RAB30: variants seen among roughly 807,000 people sequenced by gnomAD.
RAB30 encodes the protein RAB30, member RAS oncogene family.
Under a neutral mutation model 25.1 loss-of-function variants are expected in RAB30, and 9 were observed. That is an observed-to-expected ratio of 0.36 (90% CI 0.22 to 0.63). RAB30 has a LOEUF of 0.63. Among genes scored for constraint, RAB30 ranks in the 20% least tolerant of loss-of-function variants. The probability of loss-of-function intolerance (pLI) is 0.69; values close to 1 mark genes in which losing one functional copy is unlikely to be tolerated. For synonymous variants in RAB30, 77 were observed against 86.4 expected, an observed-to-expected ratio of 0.89 and a Z score of 0.60; for missense variants, 140 against 243.5, an observed-to-expected ratio of 0.58 and a Z score of 2.83.
Position 82,974,986 on chromosome 11 carries a change from C to T in RAB30, c.*7179G>A, listed in dbSNP as rs1172949995. Reference sequence around the variant, plus strand: ...TTGCTGAAAACAGAAATTTTGCTCACGAGTTAGTTCAAATACATTTATGTA... The same window carrying T: ...TTGCTGAAAACAGAAATTTTGCTCATGAGTTAGTTCAAATACATTTATGTA... On this transcript the variant is annotated 3_prime_UTR_variant, in exon 5 of 5. Transcript: ENST00000527633. 3.5e-5 allele frequency: 5 copies of T among 142,156 alleles called. No homozygotes were observed. Among genetic ancestry groups the T allele is most frequent in the Non-Finnish European group, 6.1e-5 (4 of 66,008 alleles). 8.8% of individuals were successfully genotyped at this position (142,156 alleles called of 1,614,324 possible).
At chr11:82,991,177 T>C (rs1220632690) in intron 3 of RAB30, among the ~76,000 whole-genome samples, 1 of 152,064 alleles carries the variant, frequency 6.6e-6, no homozygotes, top group Admixed American at 6.5e-5. Flanking sequence ...CACTTTAACA[T>C]CACTGAGAAA....
At chr11:83,040,973 G>T in intron 1 of RAB30, 1 of 153,042 alleles carries the variant, frequency 6.5e-6, no homozygotes, top group South Asian at 1.9e-4. Flanking sequence ...GTGGGCAAAT[G>T]ACTTGACGCC....
chr11:83,018,628 C>T lies in RAB30; in HGVS notation c.-8-21304G>A, dbSNP rs184224890. 1.2e-3 allele frequency among the ~76,000 whole-genome samples: 180 copies of T among 152,260 alleles called. 1 individual carries two copies. Among genetic ancestry groups the T allele is most frequent in the Middle Eastern group, 3.4e-3 (1 of 294 alleles). ...GATGCATAGTTTGTGAGTATTTTCT[C>T]CCACTCTGTGGGTTGTTTGTTTACT... On this transcript the variant is annotated intron_variant, in intron 1 of 4. Transcript: ENST00000527633.
chr11:83,031,461 TTGA>T (rs1051331467), intron 1 of RAB30, among the ~76,000 whole-genome samples: 2 of 152,228 alleles, frequency 1.3e-5, no homozygotes, highest in African/African-American at 4.8e-5. Flanking sequence ...CTCTAGAGAC[TTGA>T]TGAGATTTTA....
chr11:83,029,742 C>A lies in RAB30; in HGVS notation c.-8-32418G>T, dbSNP rs371705905. The stretch of plus-strand genomic sequence containing the variant: ...ATTTCTTTTTACACACATCTACATG[C>A]ATACTTGTAGCAGCACAATTCACAA... On this transcript the variant is annotated intron_variant, in intron 1 of 4. Coordinates refer to ENST00000527633, the MANE Select transcript of RAB30 (RefSeq NM_001286060.2). Among the ~76,000 whole-genome samples, 9 of 152,262 alleles carry A rather than the reference C, an allele frequency of 5.9e-5. No individual in the cohort carries two copies. In the East Asian group the frequency reaches 1.7e-3, roughly 29 times the overall value.
chr11:83,046,635 A>G (rs534211681), intron 1 of RAB30, among the ~76,000 whole-genome samples: 1 of 152,266 alleles, frequency 6.6e-6, no homozygotes, highest in Non-Finnish European at 1.5e-5. Context: ...CTACAACTAC[A>G]GGTGTGTACC....
intron 1 of RAB30, among the ~76,000 whole-genome samples, chr11:83,010,317 G>A (rs1457629918): frequency 6.6e-6 from 1 of 152,116 alleles, no homozygotes. Context: ...CAGGTGTGGT[G>A]TCATATGTCT....
At chr11:82,985,628 AAGAG>A (rs926487944) in intron 4 of RAB30, among the ~76,000 whole-genome samples, 2 of 152,104 alleles carry the variant, frequency 1.3e-5, no homozygotes, top group African/African-American at 4.8e-5. Context: ...AAAAAATTCT[AAGAG>A]AGAAAAAAAA....
intron 3 of RAB30, chr11:82,992,407 CT>C (rs968399893): frequency 1.1e-5 from 5 of 455,792 alleles, no homozygotes; most frequent in Non-Finnish European, 2.2e-5. Context: ...GGAGTCAGGG[CT>C]GGAAGAGACA....
intron 1 of RAB30, among the ~76,000 whole-genome samples, chr11:83,018,028 T>G (rs527774032): frequency 1.3e-5 from 2 of 152,324 alleles, no homozygotes; most frequent in African/African-American, 4.8e-5. Flanking sequence ...CCACTGGGCA[T>G]GGTGGCTCAC....
At chr11:83,009,214 CG>C (rs1200426581) in intron 1 of RAB30, among the ~76,000 whole-genome samples, 9 of 151,906 alleles carry the variant, frequency 5.9e-5, no homozygotes, top group Non-Finnish European at 1.2e-4. Flanking sequence ...TACAGGCACC[CG>C]CCACCATGCC....
chr11:83,032,946 T>C (rs1857903972), intron 1 of RAB30, among the ~76,000 whole-genome samples: 1 of 151,914 alleles, frequency 6.6e-6, no homozygotes, highest in Non-Finnish European at 1.5e-5. Context: ...AGATATGAAA[T>C]ACCCGACATC....
At chr11:83,010,620 T>A (rs919377680) in intron 1 of RAB30, among the ~76,000 whole-genome samples, 5 of 152,136 alleles carry the variant, frequency 3.3e-5, no homozygotes, top group Admixed American at 1.3e-4. Flanking sequence ...ATGGGACAGG[T>A]ACACATATAT....
intron 1 of RAB30, among the ~76,000 whole-genome samples, chr11:83,061,679 T>G (rs941345426): frequency 1.4e-4 from 21 of 151,540 alleles, no homozygotes; most frequent in African/African-American, 4.6e-4. Flanking sequence ...TTGTTTTTTG[T>G]TTTTTTAGGT....
At position 83,003,895 on chromosome 11, in the gene RAB30, C is replaced by A. The variant is rs1044470865; in HGVS notation, c.-8-6571G>T. Among the ~76,000 whole-genome samples the A allele has an allele frequency of 5.3e-5, 8 of 152,076 alleles. 1 individual carries two copies. The highest frequency in any genetic ancestry group is 6.8e-3 in the Middle Eastern group (2 of 294). Reference sequence around the variant, plus strand: ...GCAAATAGAACCGATTACCAGAGACCCTCAAAATTTATTCAACATTTGTTC... The same window carrying A: ...GCAAATAGAACCGATTACCAGAGACACTCAAAATTTATTCAACATTTGTTC... On this transcript the variant is annotated intron_variant, in intron 1 of 4. Coordinates refer to ENST00000527633, the MANE Select transcript of RAB30 (RefSeq NM_001286060.2).
In RAB30 at chr11:82,978,062, A is replaced by T. The variant is rs1856575108; in HGVS notation, c.*4103T>A. The T allele has an allele frequency of 6.6e-6, 1 of 152,232 alleles. No individual in the cohort carries two copies. Among genetic ancestry groups the T allele is most frequent in the African/African-American group, 2.4e-5 (1 of 41,464 alleles). 9.4% of individuals were successfully genotyped at this position (152,232 alleles called of 1,614,324 possible). A position where few individuals can be genotyped will look rare whatever the true frequency, so the allele number is the denominator to read the frequency against. On this transcript the variant is annotated 3_prime_UTR_variant, in exon 5 of 5. Coordinates refer to ENST00000527633, the MANE Select transcript of RAB30 (RefSeq NM_001286060.2). ...AAATTAGTGTTTAACCATGCTGCTT[A>T]AATGGAACACATTTTGTCTGAAGGA...
At chr11:83,027,299 T>C (rs1000548028) in intron 1 of RAB30, among the ~76,000 whole-genome samples, 2 of 152,176 alleles carry the variant, frequency 1.3e-5, no homozygotes, top group African/African-American at 4.8e-5. Flanking sequence ...AAGAGTGTCT[T>C]TGGCCTGGCA....
intron 1 of RAB30, among the ~76,000 whole-genome samples, chr11:83,033,959 C>A (rs1857933537): frequency 6.6e-6 from 1 of 152,178 alleles, no homozygotes; most frequent in African/African-American, 2.4e-5. Context: ...GGGACCTCGA[C>A]AGCTGCCAGG....
rs557364300 is a variant in RAB30 at position 83,017,506 on chromosome 11, A to G, written c.-8-20182T>C. On this transcript the variant is annotated intron_variant, in intron 1 of 4. Coordinates refer to ENST00000527633, the MANE Select transcript of RAB30 (RefSeq NM_001286060.2). ...ACCCAGGCAGTGTACACTGTACCCA[A>G]TGTGTAGTCTTTTATCCCTCAGCCC... Among the ~76,000 whole-genome samples the G allele has an allele frequency of 6.6e-5, 10 of 152,096 alleles. 1 individual carries two copies. Among genetic ancestry groups the G allele is most frequent in the African/African-American group, 1.9e-4 (8 of 41,496 alleles).
Sources: allele counts gnomAD v4.1 joint callset (sites outside exome capture counted in the v4.1 genomes callset), GRCh38; gene constraint gnomAD v4.1.1; transcripts MANE v1.5; gene names NCBI Gene and HGNC (gene_info 2026-07-23, HGNC 2026-07-21).